Variants in APBB2 observed in about 807,000 individuals in gnomAD.
APBB2 encodes Fe65-like 1.
APBB2 carries 38 observed loss-of-function variants against 82.5 expected under a neutral mutation model. The observed-to-expected ratio is 0.46, with a 90% CI of 0.36 to 0.60. The LOEUF is 0.60. Among genes scored for constraint, APBB2 ranks in the 20% least tolerant of loss-of-function variants. The pLI is 0.00. For missense variants in APBB2, 772 were observed against 972.3 expected (o/e 0.79, Z 2.74); for synonymous variants, 341 against 368.2 (o/e 0.93, Z 0.85).
chr4:41,087,194 G>C (rs1438111303), intron 3 of APBB2, among the ~76,000 whole-genome samples: 1 of 152,126 alleles, frequency 6.6e-6, no homozygotes, highest in East Asian at 1.9e-4. Flanking sequence ...AAGACATCCT[G>C]TGTTCACAGA....
At chr4:41,199,638 T>C (rs1473262796) in intron 1 of APBB2, among the ~76,000 whole-genome samples, 1 of 152,218 alleles carries the variant, frequency 6.6e-6, no homozygotes, top group African/African-American at 2.4e-5. Flanking sequence ...AGCTTGTGAT[T>C]CTTTGGGATC....
intron 3 of APBB2, among the ~76,000 whole-genome samples, chr4:41,084,974 C>T (rs1424631283): frequency 3.3e-5 from 5 of 151,942 alleles, no homozygotes; most frequent in African/African-American, 9.7e-5. Flanking sequence ...CTGCCGGCCA[C>T]GCACAGTGGC....
At chr4:41,151,810 C>T (rs1450454477) in intron 1 of APBB2, among the ~76,000 whole-genome samples, 1 of 150,156 alleles carries the variant, frequency 6.7e-6, no homozygotes, top group Non-Finnish European at 1.5e-5. Flanking sequence ...TTCTTTATGT[C>T]TAGTATGAAT....
At chr4:40,990,581 C>T (rs1219664321) in intron 6 of APBB2, among the ~76,000 whole-genome samples, 8 of 152,272 alleles carry the variant, frequency 5.3e-5, no homozygotes, top group Non-Finnish European at 7.3e-5. Flanking sequence ...CCATTCCAAA[C>T]CTTTCGCACT....
At chr4:40,955,549 A>C (rs2154386215) in intron 6 of APBB2, among the ~76,000 whole-genome samples, 1 of 152,238 alleles carries the variant, frequency 6.6e-6, no homozygotes, top group Admixed American at 6.5e-5. Context: ...GCTACTACTG[A>C]CTCTTTGGAG....
At chr4:40,946,364 C>A (rs55738051) in intron 6 of APBB2, among the ~76,000 whole-genome samples, 1 of 151,162 alleles carries the variant, frequency 6.6e-6, no homozygotes, top group Non-Finnish European at 1.5e-5. Flanking sequence ...TGAGAGACAA[C>A]AAAGGTGGGT....
At chr4:40,944,393 T>C (rs1277127667) in intron 7 of APBB2, among the ~76,000 whole-genome samples, 1 of 152,216 alleles carries the variant, frequency 6.6e-6, no homozygotes, top group African/African-American at 2.4e-5. Flanking sequence ...AAAATAGAAA[T>C]TAAGCATCTG....
chr4:41,028,707 G>A (rs931962063), intron 5 of APBB2, among the ~76,000 whole-genome samples: 3 of 151,874 alleles, frequency 2.0e-5, no homozygotes, highest in African/African-American at 4.9e-5. Context: ...AAGAGCCCTC[G>A]TTAATACACA....
intron 17 of APBB2, 74 bp downstream of exon 17, chr4:40,821,797 T>C: frequency 1.3e-6 from 2 of 1,522,814 alleles, no homozygotes; most frequent in Non-Finnish European, 1.8e-6. Context: ...CGTGAGTGAT[T>C]CTGCTATAAT....
At chr4:40,965,753 T>C (rs948477678) in intron 6 of APBB2, among the ~76,000 whole-genome samples, 5 of 152,220 alleles carry the variant, frequency 3.3e-5, no homozygotes, top group African/African-American at 1.2e-4. Context: ...TTTAGAGGCT[T>C]CCAGTGAGCC....
At position 41,027,364 on chromosome 4, in the gene APBB2, C is replaced by CATATATATATATAT. The variant is rs36224955; in HGVS notation, c.19+5858_19+5871dup. 5.5e-4 allele frequency among the ~76,000 whole-genome samples: 70 copies of CATATATATATATAT among 127,384 alleles called. 1 individual carries two copies. The highest frequency in any genetic ancestry group is 6.5e-4 in the African/African-American group (22 of 34,050). The allele number at this position is 127,384 out of a possible 152,430, so 83.6% of individuals were successfully genotyped here. A position where few individuals can be genotyped will look rare whatever the true frequency, so the allele number is the denominator to read the frequency against. On this transcript the variant is annotated intron_variant, in intron 5 of 17. Coordinates refer to ENST00000508593, the MANE Select transcript of APBB2 (RefSeq NM_004307.2). ...TTATATTTTTATAAACATATTGTTA[C>CATATATATATATAT]ATATATATATATATATATATATATA...
chr4:41,095,752 T>A (rs376798647), intron 3 of APBB2, among the ~76,000 whole-genome samples: 185 of 152,302 alleles, frequency 1.2e-3, no homozygotes, highest in Middle Eastern at 6.8e-3. Flanking sequence ...CCTCACATGG[T>A]GGCCCTGGGT....
intron 17 of APBB2, among the ~76,000 whole-genome samples, chr4:40,817,200 G>C (rs1389423092): frequency 6.6e-6 from 1 of 152,116 alleles, no homozygotes; most frequent in Non-Finnish European, 1.5e-5. Context: ...TTGAGCCCAG[G>C]AGTTTGAAAC....
At position 40,816,119 on chromosome 4, in the gene APBB2, C is replaced by G; in HGVS notation, c.2253G>C (p.Gln751His). 6.2e-7 allele frequency: 1 copy of G among 1,613,906 alleles called. No homozygotes were observed. Among genetic ancestry groups the G allele is most frequent in the Non-Finnish European group, 8.5e-7 (1 of 1,179,830 alleles). ...ATGGCATTTCGGTGACAGGGCGTTT[C>G]TGTTTCAAAGTGTCAATGAGGGATA... ...GVLSLIDTLK[Q>H]KRPVTEMP is the part of the protein sequence containing the mutation. Residue 751 changes from glutamine (Q) to histidine (H), a missense_variant, in exon 18 of 18, where the codon CAG (glutamine) becomes CAC (histidine). Physicochemically the swap from Gln to His is conservative, Grantham distance 24. Coordinates refer to ENST00000508593, the MANE Select transcript of APBB2 (RefSeq NM_004307.2).
chr4:41,106,116 T>G (rs1400212909), intron 2 of APBB2, among the ~76,000 whole-genome samples: 1 of 152,192 alleles, frequency 6.6e-6, no homozygotes, highest in Non-Finnish European at 1.5e-5. Flanking sequence ...TTAGCATATG[T>G]ATAGCTCAGG....
chr4:41,019,350 G>C (rs1810853469), intron 5 of APBB2, among the ~76,000 whole-genome samples: 1 of 152,178 alleles, frequency 6.6e-6, no homozygotes, highest in Admixed American at 6.5e-5. Context: ...GACCGGACTG[G>C]AAACAGCACT....
At chr4:40,918,237 TAC>T (rs142751300) in intron 10 of APBB2, among the ~76,000 whole-genome samples, 20,017 of 152,218 alleles carry the variant, frequency 0.13, 1,478 homozygotes, top group Admixed American at 0.21. Context: ...CACTGGCTAG[TAC>T]ACAGTTACTG....
intron 3 of APBB2, among the ~76,000 whole-genome samples, chr4:41,073,076 T>C (rs1734418949): frequency 6.6e-6 from 1 of 152,214 alleles, no homozygotes; most frequent in South Asian, 2.1e-4. Context: ...CACAGATCTT[T>C]ATTTAGACCT....
chr4:40,907,348 CATATATATATAT>C (rs56302731), intron 10 of APBB2, among the ~76,000 whole-genome samples: 14 of 97,332 alleles, frequency 1.4e-4, no homozygotes, highest in South Asian at 3.6e-4. Context: ...TAATATATTA[CATATATATATAT>C]ATATATATAT....
Sources: gnomAD v4.1 joint callset for allele counts (sites outside exome capture counted in the v4.1 genomes callset) on GRCh38, gnomAD v4.1.1 for gene constraint, MANE v1.5 for transcripts, NCBI Gene and HGNC (gene_info 2026-07-23, HGNC 2026-07-21) for gene names.